Variants in ARAP2 observed in about 807,000 individuals in gnomAD.
ARAP2 encodes the protein ArfGAP with RhoGAP domain, ankyrin repeat and PH domain 2, also known as arf-GAP with Rho-GAP domain, ANK repeat and PH domain-containing protein 2.
In ARAP2, 148 loss-of-function variants were observed where a neutral mutation model predicts 194.5. The ratio of observed to expected loss-of-function variants is 0.76; its 90% CI spans 0.67 to 0.87. ARAP2 has a LOEUF of 0.87. Among genes scored for constraint, ARAP2 ranks in the 40% least tolerant of loss-of-function variants. The pLI, the probability that ARAP2 is intolerant of heterozygous loss-of-function variation, is 0.00. For synonymous variants in ARAP2, 695 were observed against 683.5 expected (o/e 1.02, Z -0.26); for missense variants, 2,128 against 1,989.7 (o/e 1.07, Z -1.32).
chr4:36,181,280 A>G lies in ARAP2; in HGVS notation c.1679-3275T>C, dbSNP rs562067023. On this transcript the variant is annotated intron_variant, in intron 8 of 32. Coordinates refer to ENST00000303965, the MANE Select transcript of ARAP2 (RefSeq NM_015230.4). Reference sequence around the variant, plus strand: ...AAAGGGAGTGGGGAAAGCAAAGAATAAGTGTTGAAATTGCCATTTTCTTGT... The same window carrying G: ...AAAGGGAGTGGGGAAAGCAAAGAATGAGTGTTGAAATTGCCATTTTCTTGT... Among the ~76,000 whole-genome samples the G allele has an allele frequency of 1.5e-4, 23 of 152,336 alleles. No homozygotes were observed. In the South Asian group the frequency reaches 4.6e-3, roughly 30 times the overall value.
At chr4:36,108,765 A>C (rs1719082394) in intron 26 of ARAP2, among the ~76,000 whole-genome samples, 1 of 152,050 alleles carries the variant, frequency 6.6e-6, no homozygotes, top group African/African-American at 2.4e-5. Flanking sequence ...AATAAAATGT[A>C]GCAACAGAAA....
intron 10 of ARAP2, among the ~76,000 whole-genome samples, chr4:36,166,712 C>T (rs1260610115): frequency 1.3e-5 from 2 of 151,100 alleles, no homozygotes; most frequent in East Asian, 3.9e-4. Flanking sequence ...TAAGAAATTA[C>T]TCAAATTTCA....
In ARAP2 at chr4:36,229,073, C is replaced by G. The variant is rs1248845483; in HGVS notation, c.414G>C (p.Gln138His). The change falls in exon 2 of 33, where the codon CAG becomes CAC. Residue 138 changes from glutamine (Q) to histidine (H), a missense_variant. Gln to His is a conservative substitution (Grantham distance 24). Transcript: ENST00000303965. Reference sequence around the variant, plus strand: ...ACAGCTTATCATCTGATTGAGGATACTGGCTTCTTTCCACACTTGCATCAC... The same window carrying G: ...ACAGCTTATCATCTGATTGAGGATAGTGGCTTCTTTCCACACTTGCATCAC... ...EDSDASVERS[Q>H]YPQSDDKLSP... 1 of 1,614,060 alleles carries G rather than the reference C, an allele frequency of 6.2e-7. No individual in the cohort carries two copies.
intron 9 of ARAP2, among the ~76,000 whole-genome samples, chr4:36,007,454 G>C (rs1162272293): frequency 6.6e-6 from 1 of 152,210 alleles, no homozygotes; most frequent in Non-Finnish European, 1.5e-5. Flanking sequence ...TTGAAGCTAT[G>C]TCATCTCAAG....
At chr4:36,235,579 C>A (rs909957176) in intron 1 of ARAP2, among the ~76,000 whole-genome samples, 35 of 152,236 alleles carry the variant, frequency 2.3e-4, no homozygotes, top group African/African-American at 8.4e-4. Flanking sequence ...GCTTCTACTA[C>A]TGCTGGTATC....
In ARAP2 at chr4:36,158,933, T is replaced by C. The variant is rs944011479; in HGVS notation, c.2618-69A>G. 247 of 1,375,902 alleles carry C rather than the reference T, an allele frequency of 1.8e-4. 1 individual carries two copies. Among genetic ancestry groups the C allele is most frequent in the Admixed American group, 2.6e-4 (10 of 38,178 alleles). The allele number at this position is 1,375,902 out of a possible 1,614,324, so 85.2% of individuals were successfully genotyped here. ...AACAATTTTCCTTTTGTTTATAATA[T>C]GTACATGAGTTTTGAGCTAGAAGAA... On this transcript the variant is annotated intron_variant, in intron 14 of 32. Coordinates refer to ENST00000303965, the MANE Select transcript of ARAP2 (RefSeq NM_015230.4).
chr4:36,087,923 C>T (rs1235649955), intron 28 of ARAP2, among the ~76,000 whole-genome samples: 1 of 152,040 alleles, frequency 6.6e-6, no homozygotes, highest in African/African-American at 2.4e-5. Flanking sequence ...TATGTAATGT[C>T]TTTGAGAGTC....
chr4:36,068,343 CA>C, intron 32 of ARAP2, 65 bp from the exon 33 acceptor site: 1 of 1,467,738 alleles, frequency 6.8e-7, no homozygotes, highest in South Asian at 1.5e-5. Context: ...TTAGAAAGTG[CA>C]ATCCACATAA....
intron 20 of ARAP2, among the ~76,000 whole-genome samples, chr4:36,130,734 T>A (rs1420833771): frequency 1.3e-5 from 2 of 151,886 alleles, no homozygotes; most frequent in African/African-American, 4.8e-5. Flanking sequence ...CTGTGACATA[T>A]CTCTGTATAT....
In ARAP2 at chr4:36,107,622, A is replaced by C. The variant is rs770418571; in HGVS notation, c.4228T>G (p.Ser1410Ala). The C allele has an allele frequency of 1.6e-5, 25 of 1,610,996 alleles. No individual in the cohort carries two copies. Among genetic ancestry groups the C allele is most frequent in the Non-Finnish European group, 2.0e-5 (23 of 1,178,236 alleles). ...LRWSSLAEPGSAYLVVKRFLT... is the reference protein window; with the variant it reads ...LRWSSLAEPGAAYLVVKRFLT... ...AATCTCTTCACCACCAGGTAAGCAGAGCCAGGTTCAGCTAATGAACTCCAC... is the reference window on the plus strand; with the variant it reads ...AATCTCTTCACCACCAGGTAAGCAGCGCCAGGTTCAGCTAATGAACTCCAC... The change falls in exon 27 of 33, where the codon TCT becomes GCT. Residue 1410 changes from serine to alanine, a missense_variant. By Grantham distance (99) the Ser-to-Ala change is moderately conservative (BLOSUM62 1). Transcript: ENST00000303965.
At chr4:36,217,869 T>C (rs1748315074) in intron 2 of ARAP2, among the ~76,000 whole-genome samples, 1 of 151,062 alleles carries the variant, frequency 6.6e-6, no homozygotes, top group Non-Finnish European at 1.5e-5. Flanking sequence ...TAATACTAGA[T>C]ATACGATAAT....
chr4:36,203,672 T>C (rs1230390612), intron 6 of ARAP2, among the ~76,000 whole-genome samples: 1 of 152,060 alleles, frequency 6.6e-6, no homozygotes, highest in East Asian at 1.9e-4. Flanking sequence ...TACTAGCATC[T>C]AGCATGAGGC....
rs180938577 is a variant in ARAP2 at position 36,191,138 on chromosome 4, A to G, written c.1557+2440T>C. On this transcript the variant is annotated intron_variant, in intron 7 of 32. Transcript: ENST00000303965. ...TAAAAACATTTACAGTTTATCCCCT[A>G]CGTGATCTGTTTCCAAATTTTAGCT... Among the ~76,000 whole-genome samples, 25 of 151,746 alleles carry G rather than the reference A, an allele frequency of 1.6e-4. No individual in the cohort carries two copies. The East Asian group carries it at 3.9e-3, about 23-fold the overall frequency.
chr4:36,161,674 C>G, intron 11 of ARAP2, 124 bp from the exon 12 acceptor site: 1 of 667,640 alleles, frequency 1.5e-6, no homozygotes, highest in East Asian at 2.8e-5. Context: ...TAAAACACAC[C>G]AATACCTGCT....
chr4:36,120,613 A>G (rs1051670618), intron 23 of ARAP2, among the ~76,000 whole-genome samples: 1 of 151,592 alleles, frequency 6.6e-6, no homozygotes, highest in African/African-American at 2.4e-5. Flanking sequence ...TATTTCCCCT[A>G]TTTTTACTTC....
At chr4:36,026,499 T>A (rs1717929161) in intron 5 of ARAP2, among the ~76,000 whole-genome samples, 1 of 152,148 alleles carries the variant, frequency 6.6e-6, no homozygotes. Flanking sequence ...TCATTACATC[T>A]GCTGTGAGTG....
chr4:36,123,653 T>A (rs528930928), intron 22 of ARAP2, among the ~76,000 whole-genome samples: 1 of 151,932 alleles, frequency 6.6e-6, no homozygotes, highest in South Asian at 2.1e-4. Context: ...CTAGTTAGTT[T>A]ATCTGTCTCT....
intron 1 of ARAP2, among the ~76,000 whole-genome samples, chr4:36,232,935 C>T (rs1751769561): frequency 6.6e-6 from 1 of 152,164 alleles, no homozygotes; most frequent in Non-Finnish European, 1.5e-5. Context: ...TTGGCAGACA[C>T]ATACATACTT....
At chr4:36,016,615 G>C (rs1715848489) in intron 6 of ARAP2, among the ~76,000 whole-genome samples, 1 of 152,088 alleles carries the variant, frequency 6.6e-6, no homozygotes. Flanking sequence ...CTTTGAGGAA[G>C]GGAATCAGAG....
Sources: allele counts gnomAD v4.1 joint callset (sites outside exome capture counted in the v4.1 genomes callset), GRCh38; gene constraint gnomAD v4.1.1; transcripts MANE v1.5; gene names NCBI Gene and HGNC (gene_info 2026-07-23, HGNC 2026-07-21).